Variants in MYO1H observed in about 807,000 individuals in gnomAD.
MYO1H encodes the protein myosin IH.
In MYO1H, 118 loss-of-function variants were observed where a neutral mutation model predicts 149.3. That is an observed-to-expected ratio of 0.79 (90% CI 0.68 to 0.92). MYO1H has a LOEUF of 0.92. Ranked by LOEUF, MYO1H falls within the 40% of genes least tolerant of loss-of-function variation. The pLI is 0.00. For synonymous variants in MYO1H, 447 were observed against 465.2 expected (o/e 0.96, Z 0.50); for missense variants, 1,212 against 1,280.7 (o/e 0.95, Z 0.82).
At chr12:109,447,307 C>A in exon 32 of MYO1H, 1 of 863,938 alleles carries the variant, frequency 1.2e-6, no homozygotes, top group South Asian at 1.4e-5. Flanking sequence ...ACTAACAGAT[C>A]ACATCTGAAG....
the MYO1H span, among the ~76,000 whole-genome samples, chr12:109,341,590 T>C: frequency 1.4e-5 from 2 of 147,348 alleles, no homozygotes; most frequent in African/African-American, 5.1e-5. Flanking sequence ...GGAGGATGAC[T>C]TCAGGTTTGC....
Position 109,429,503 on chromosome 12 carries a change from A to G in MYO1H, c.1949+1917A>G, listed in dbSNP as rs147473875. Among the ~76,000 whole-genome samples, 354 of 152,342 alleles carry G rather than the reference A, an allele frequency of 2.3e-3. 5 individuals are homozygous for G. The highest frequency in any genetic ancestry group is 8.2e-3 in the African/African-American group (340 of 41,582). On this transcript the variant is annotated intron_variant, in intron 19 of 31. Coordinates refer to ENST00000310903, the Ensembl canonical transcript of MYO1H. ...TAATATCTATTTATGTAGTATTTAC[A>G]TAGTATTAGGTATAATAAGTAATTT...
At chr12:109,322,463 C>T in the MYO1H span, among the ~76,000 whole-genome samples, 2 of 151,344 alleles carry the variant, frequency 1.3e-5, no homozygotes, top group African/African-American at 2.4e-5. Flanking sequence ...GTCACAGTTA[C>T]TGCTTTTTGT....
rs1566044040 is a variant in MYO1H at position 109,441,710 on chromosome 12, TA to T, written c.2632+4del. 2 of 1,602,858 alleles carry T rather than the reference TA, an allele frequency of 1.2e-6. No individual in the cohort carries two copies. The highest frequency in any genetic ancestry group is 2.7e-5 in the African/African-American group (2 of 74,510). ...AACCCTTTGTCAACAGTCGGATAGGTAAGTACATTTTCCAGCCTATGTACTT... is the reference window on the plus strand; with the variant it reads ...AACCCTTTGTCAACAGTCGGATAGGTAGTACATTTTCCAGCCTATGTACTT... On this transcript the variant is annotated splice_donor_region_variant and intron_variant, in intron 26 of 31. Transcript: ENST00000310903.
chr12:109,361,736 G>T (rs1199933820), intron 1 of MYO1H, among the ~76,000 whole-genome samples: 1 of 150,326 alleles, frequency 6.7e-6, no homozygotes, highest in Non-Finnish European at 1.5e-5. Flanking sequence ...TTGAGCTCAG[G>T]AGGTCGAGGT....
chr12:109,414,895 A>T (rs903232273), intron 14 of MYO1H, among the ~76,000 whole-genome samples: 12 of 151,414 alleles, frequency 7.9e-5, no homozygotes, highest in Non-Finnish European at 1.6e-4. Flanking sequence ...TTTTTTTTTT[A>T]AAGACAGGGT....
chr12:109,417,439 T>C (rs543469567), intron 15 of MYO1H, among the ~76,000 whole-genome samples: 1 of 152,012 alleles, frequency 6.6e-6, no homozygotes, highest in African/African-American at 2.4e-5. Context: ...GCCATTCTCC[T>C]GCCTCAGCCT....
the MYO1H span, among the ~76,000 whole-genome samples, chr12:109,310,695 A>G: frequency 2.6e-5 from 4 of 151,926 alleles, no homozygotes; most frequent in Admixed American, 2.0e-4. Flanking sequence ...TTCAAGTTCT[A>G]TTCAGGTGGG....
intron 14 of MYO1H, among the ~76,000 whole-genome samples, chr12:109,412,234 T>C (rs1870707106): frequency 6.6e-6 from 1 of 152,204 alleles, no homozygotes; most frequent in South Asian, 2.1e-4. Context: ...CACAGCTCAC[T>C]GCAGCCTCAA....
chr12:109,412,130 C>A (rs1592802633), intron 14 of MYO1H, 145 bp downstream of exon 14: 1 of 559,982 alleles, frequency 1.8e-6, no homozygotes, highest in Middle Eastern at 4.8e-4. Context: ...ATGTGCCAGA[C>A]CTTTGTTAGT....
At chr12:109,428,931 G>A (rs551487362) in intron 19 of MYO1H, among the ~76,000 whole-genome samples, 3 of 152,232 alleles carry the variant, frequency 2.0e-5, no homozygotes, top group South Asian at 4.2e-4. Flanking sequence ...TGAGCAGGCC[G>A]GGCATGTTGC....
rs187375436 is a variant in MYO1H, at chr12:109,365,334, G to A, written c.12+17362G>A. Among the ~76,000 whole-genome samples, 442 of 152,230 alleles carry A rather than the reference G, an allele frequency of 2.9e-3. 4 individuals carry two copies. The highest frequency in any genetic ancestry group is 9.6e-3 in the African/African-American group (397 of 41,518). ...ACAGGAACCAGCAACTGAACTAACA[G>A]TAACATAGCTCAGCATGGGCCAATT... is the stretch of plus-strand genomic sequence containing the variant. On this transcript the variant is annotated intron_variant, in intron 1 of 31. Coordinates refer to ENST00000310903, the Ensembl canonical transcript of MYO1H.
chr12:109,417,772 G>A lies in MYO1H; in HGVS notation c.1597+2152G>A, dbSNP rs1043718829. Reference sequence around the variant, plus strand: ...TTCTCTTCCTTGGAGAAATGTCTACGCAGATCTTTTGCCCATGTTTTAAGA... The same window carrying A: ...TTCTCTTCCTTGGAGAAATGTCTACACAGATCTTTTGCCCATGTTTTAAGA... On this transcript the variant is annotated intron_variant, in intron 15 of 31. Transcript: ENST00000310903. Among the ~76,000 whole-genome samples the A allele has an allele frequency of 3.9e-5, 6 of 152,118 alleles. 1 individual carries two copies. Among genetic ancestry groups the A allele is most frequent in the East Asian group, 1.9e-4 (1 of 5,190 alleles).
intron 1 of MYO1H, among the ~76,000 whole-genome samples, chr12:109,351,890 G>A (rs1278276748): frequency 2.0e-5 from 3 of 152,210 alleles, no homozygotes; most frequent in Non-Finnish European, 4.4e-5. Flanking sequence ...AGATTCCACG[G>A]TGGTTGGAGA....
intron 1 of MYO1H, among the ~76,000 whole-genome samples, chr12:109,365,303 C>A (rs566529285): frequency 6.6e-6 from 1 of 152,248 alleles, no homozygotes; most frequent in African/African-American, 2.4e-5. Flanking sequence ...ACAAGGTAAT[C>A]TTTAAACAGG....
chr12:109,388,457 G>A (rs1203712206), intron 1 of MYO1H, among the ~76,000 whole-genome samples: 1 of 152,150 alleles, frequency 6.6e-6, no homozygotes, highest in Non-Finnish European at 1.5e-5. Context: ...GTTTAGAATA[G>A]TACCTAGCAG....
exon 30 of MYO1H, chr12:109,444,463 T>C (rs758067448): frequency 1.9e-6 from 3 of 1,613,992 alleles, no homozygotes; most frequent in Admixed American, 1.7e-5. Context: ...GGACACGTGT[T>C]TGAAGCAGTT....
intron 15 of MYO1H, among the ~76,000 whole-genome samples, chr12:109,416,268 G>A (rs1004297705): frequency 6.6e-6 from 1 of 151,912 alleles, no homozygotes; most frequent in Non-Finnish European, 1.5e-5. Flanking sequence ...AAGAAATCCT[G>A]TACCCATTAG....
chr12:109,318,165 T>C, the MYO1H span, among the ~76,000 whole-genome samples: 2 of 152,182 alleles, frequency 1.3e-5, no homozygotes, highest in Non-Finnish European at 2.9e-5. Context: ...CAAGTATCTG[T>C]GAGTAAATGC....
Sources: allele counts gnomAD v4.1 joint callset (sites outside exome capture counted in the v4.1 genomes callset), GRCh38; gene constraint gnomAD v4.1.1; transcripts MANE v1.5; gene names NCBI Gene and HGNC (gene_info 2026-07-23, HGNC 2026-07-21).